CCSER1: variants seen among roughly 807,000 people sequenced by gnomAD.
CCSER1 encodes coiled-coil serine rich protein 1, also known as serine-rich coiled-coil domain-containing protein 1.
In CCSER1, 41 loss-of-function variants were observed where a neutral mutation model predicts 82.0. The observed-to-expected ratio is 0.50, with a 90% confidence interval of 0.39 to 0.65. The LOEUF (loss-of-function observed/expected upper bound fraction) is 0.65. CCSER1 is among the 30% of genes least tolerant of loss of function. The pLI is 0.00. For missense variants in CCSER1, 1,119 were observed against 1,064.2 expected (o/e 1.05, Z -0.72); for synonymous variants, 414 against 383.9 (o/e 1.08, Z -0.92).
rs70965483 is a variant in CCSER1 at position 91,306,059 on chromosome 4, T to TTGTGTGTGTG, written c.2217+220093_2217+220102dup. 1.4e-3 allele frequency among the ~76,000 whole-genome samples: 198 copies of TTGTGTGTGTG among 139,636 alleles called. 2 individuals carry two copies. The highest frequency in any genetic ancestry group is 3.5e-3 in the African/African-American group (134 of 37,994). 91.6% of individuals were successfully genotyped at this position (139,636 alleles called of 152,430 possible). ...ACACAACCAAACCATATCAGTGTGT[T>TTGTGTGTGTG]TGTGTGTGTGTGTGTGTGTGTGTGT... On this transcript the variant is annotated intron_variant, in intron 10 of 10. Transcript: ENST00000509176.
chr4:90,895,955 A>C (rs2150129790), intron 8 of CCSER1, among the ~76,000 whole-genome samples: 1 of 152,122 alleles, frequency 6.6e-6, no homozygotes, highest in South Asian at 2.1e-4. Flanking sequence ...GCATATATTA[A>C]GTGATACAAA....
At position 90,484,669 on chromosome 4, in the gene CCSER1, G is replaced by A. The variant is rs183426219; in HGVS notation, c.1724+16315G>A. On this transcript the variant is annotated intron_variant, in intron 5 of 10. Coordinates refer to ENST00000509176, the MANE Select transcript of CCSER1 (RefSeq NM_001145065.2). ...CCCTGTTTGCCTGGGTATCAGCAGCGGTGGCTGCAGAACAGTGGATATTGG... is the reference window on the plus strand; with the variant it reads ...CCCTGTTTGCCTGGGTATCAGCAGCAGTGGCTGCAGAACAGTGGATATTGG... Among the ~76,000 whole-genome samples, 1,435 of 152,252 alleles carry A rather than the reference G, an allele frequency of 9.4e-3. 24 individuals are homozygous for A. The highest frequency in any genetic ancestry group is 0.032 in the African/African-American group (1,332 of 41,544).
intron 10 of CCSER1, among the ~76,000 whole-genome samples, chr4:91,256,135 G>A (rs867245116): frequency 6.6e-6 from 1 of 152,050 alleles, no homozygotes. Flanking sequence ...TGCATTCCTG[G>A]TTGGGTGGGG....
intron 8 of CCSER1, among the ~76,000 whole-genome samples, chr4:90,842,072 C>A (rs1056126710): frequency 4.0e-5 from 6 of 151,834 alleles, no homozygotes; most frequent in African/African-American, 1.5e-4. Context: ...TTAGTTTATG[C>A]TCAGTAAATG....
chr4:90,682,046 C>A (rs367830965), intron 6 of CCSER1, among the ~76,000 whole-genome samples: 2 of 151,232 alleles, frequency 1.3e-5, no homozygotes, highest in Non-Finnish European at 3.0e-5. Flanking sequence ...TTTTGCTAAA[C>A]TACAAGTGCT....
chr4:90,349,008 C>A (rs1742930843), intron 3 of CCSER1, among the ~76,000 whole-genome samples: 1 of 152,056 alleles, frequency 6.6e-6, no homozygotes, highest in South Asian at 2.1e-4. Context: ...AAGTTTATGG[C>A]TTTGAAAGAA....
At chr4:90,885,943 G>T (rs1722060387) in intron 8 of CCSER1, among the ~76,000 whole-genome samples, 1 of 151,730 alleles carries the variant, frequency 6.6e-6, no homozygotes, top group Non-Finnish European at 1.5e-5. Context: ...TGACACTTCT[G>T]CATCTTGGTG....
At chr4:91,476,180 G>T (rs1227582135) in intron 10 of CCSER1, among the ~76,000 whole-genome samples, 1 of 151,572 alleles carries the variant, frequency 6.6e-6, no homozygotes, top group Non-Finnish European at 1.5e-5. Flanking sequence ...TAGATTATAT[G>T]GTAGTTCTAT....
intron 10 of CCSER1, among the ~76,000 whole-genome samples, chr4:91,326,270 G>A (rs1374742577): frequency 7.2e-5 from 11 of 152,148 alleles, no homozygotes; most frequent in Non-Finnish European, 1.2e-4. Context: ...AGTTCTGCAG[G>A]CTGTACAGAA....
chr4:90,763,015 T>G (rs755985633), intron 7 of CCSER1, among the ~76,000 whole-genome samples: 12 of 151,860 alleles, frequency 7.9e-5, no homozygotes, highest in Non-Finnish European at 1.3e-4. Context: ...GATCAGAACC[T>G]CAAGGAGGCA....
intron 8 of CCSER1, among the ~76,000 whole-genome samples, chr4:90,839,988 G>A (rs1762369571): frequency 6.6e-6 from 1 of 151,884 alleles, no homozygotes; most frequent in Non-Finnish European, 1.5e-5. Context: ...ATATAATAAT[G>A]TGACTGTGTA....
chr4:91,433,513 A>AT (rs1353791329), intron 10 of CCSER1, among the ~76,000 whole-genome samples: 12 of 152,286 alleles, frequency 7.9e-5, no homozygotes, highest in African/African-American at 2.9e-4. Flanking sequence ...CAGGTGTACC[A>AT]TTTTTTATCT....
intron 5 of CCSER1, among the ~76,000 whole-genome samples, chr4:90,577,798 T>C (rs1457969858): frequency 6.6e-6 from 1 of 152,192 alleles, no homozygotes; most frequent in African/African-American, 2.4e-5. Context: ...TAGGGAATAA[T>C]TATTTATTTT....
rs529736701 is a variant in CCSER1, at chr4:91,255,299, A to C, written c.2217+169305A>C. On this transcript the variant is annotated intron_variant, in intron 10 of 10. Coordinates refer to ENST00000509176, the MANE Select transcript of CCSER1 (RefSeq NM_001145065.2). ...AAAATATATAACTCACAGACCTCTT[A>C]TAACCATAGAGTGTATTAAAAGTGC... 1.4e-4 allele frequency among the ~76,000 whole-genome samples: 22 copies of C among 152,324 alleles called. No individual in the cohort carries two copies. The South Asian group carries it at 4.1e-3, about 29-fold the overall frequency.
chr4:91,395,347 C>A (rs1035515293), intron 10 of CCSER1, among the ~76,000 whole-genome samples: 42 of 152,068 alleles, frequency 2.8e-4, no homozygotes, highest in African/African-American at 1.0e-3. Flanking sequence ...CAAGAGAGTG[C>A]AGCCATTATG....
intron 6 of CCSER1, among the ~76,000 whole-genome samples, chr4:90,629,307 A>T (rs1334063615): frequency 6.6e-6 from 1 of 152,164 alleles, no homozygotes; most frequent in Non-Finnish European, 1.5e-5. Flanking sequence ...TACACTGCTA[A>T]TAAAGACATA....
At chr4:91,408,023 G>C (rs1179390079) in intron 10 of CCSER1, among the ~76,000 whole-genome samples, 1 of 152,014 alleles carries the variant, frequency 6.6e-6, no homozygotes, top group Non-Finnish European at 1.5e-5. Flanking sequence ...CCTAGGAGCT[G>C]ATAGTGCTCC....
chr4:91,300,744 T>C (rs754696830), intron 10 of CCSER1, among the ~76,000 whole-genome samples: 1 of 151,792 alleles, frequency 6.6e-6, no homozygotes, highest in Non-Finnish European at 1.5e-5. Context: ...AGAAGTAAAG[T>C]TGATTATTAT....
At chr4:90,930,605 T>C (rs1729623069) in intron 9 of CCSER1, among the ~76,000 whole-genome samples, 1 of 150,770 alleles carries the variant, frequency 6.6e-6, no homozygotes, top group Admixed American at 6.6e-5. Flanking sequence ...AGAGAGAGAC[T>C]CTGTCTCAAA....
Sources: gnomAD v4.1 joint callset for allele counts (sites outside exome capture counted in the v4.1 genomes callset) on GRCh38, gnomAD v4.1.1 for gene constraint, MANE v1.5 for transcripts, NCBI Gene and HGNC (gene_info 2026-07-23, HGNC 2026-07-21) for gene names.